The following OSBPL9 variants were observed in gnomAD, a reference collection of about 807,000 sequenced individuals.
OSBPL9 encodes oxysterol-binding protein-related protein 9.
Under a neutral mutation model 106.6 loss-of-function variants are expected in OSBPL9, and 40 were observed. The observed-to-expected ratio is 0.38, with a 90% CI of 0.29 to 0.49. OSBPL9 has a LOEUF of 0.49. Among genes scored for constraint, OSBPL9 ranks in the 20% least tolerant of loss-of-function variants. OSBPL9 has a pLI of 0.97. For synonymous variants in OSBPL9, 269 were observed against 295.4 expected (o/e 0.91, Z 0.92); for missense variants, 609 against 887.2 (o/e 0.69, Z 3.98).
rs1330484297 is a variant in OSBPL9 at position 51,730,091 on chromosome 1, T to A, written c.319-15445T>A. On this transcript the variant is annotated intron_variant, in intron 4 of 23. Transcript: ENST00000428468. The stretch of plus-strand genomic sequence containing the variant: ...CCGCCAGGCCGGAGCGCGAATGTCG[T>A]GCTCACCCTGCCTCCTTCCCGCCGC... 33 of 1,258,612 alleles carry A rather than the reference T, an allele frequency of 2.6e-5. No homozygotes were observed. In the Admixed American group the frequency reaches 6.0e-4, roughly 23 times the overall value. 78.0% of individuals were successfully genotyped at this position (1,258,612 alleles called of 1,614,324 possible).
At chr1:51,664,029 A>C (rs1647794308) in intron 2 of OSBPL9, among the ~76,000 whole-genome samples, 1 of 152,224 alleles carries the variant, frequency 6.6e-6, no homozygotes, top group South Asian at 2.1e-4. Context: ...CACTGATGGG[A>C]GTATAGCTGA....
intron 9 of OSBPL9, 188 bp downstream of exon 9, chr1:51,756,546 TA>T (rs1670377797): frequency 5.2e-6 from 3 of 576,070 alleles, no homozygotes; most frequent in Middle Eastern, 3.1e-4. Context: ...ATGACAATCT[TA>T]AAATTTTTCT....
the OSBPL9 span, among the ~76,000 whole-genome samples, chr1:51,570,862 G>A: frequency 2.0e-5 from 3 of 151,664 alleles, no homozygotes; most frequent in Admixed American, 6.6e-5. Flanking sequence ...TTGCTCTGTC[G>A]CCAGGCTGGA....
In OSBPL9 at chr1:51,653,148, A is replaced by G. The variant is rs1003441996; in HGVS notation, c.162+1107A>G. On this transcript the variant is annotated intron_variant, in intron 2 of 23. Coordinates refer to ENST00000428468, the MANE Select transcript of OSBPL9 (RefSeq NM_024586.6). ...GACAGGCTTGTTTCAATCAGATGGT[A>G]TATATGTGATAGCACAAAGATTTTT... is the stretch of plus-strand genomic sequence containing the variant. 5.3e-5 allele frequency among the ~76,000 whole-genome samples: 8 copies of G among 152,228 alleles called. 1 individual carries two copies. The highest frequency in any genetic ancestry group is 2.0e-4 in the Admixed American group (3 of 15,290).
At chr1:51,701,830 A>G (rs1453087544) in intron 3 of OSBPL9, among the ~76,000 whole-genome samples, 2 of 151,948 alleles carry the variant, frequency 1.3e-5, no homozygotes, top group Non-Finnish European at 2.9e-5. Flanking sequence ...CCAGTGTGTG[A>G]TGTTCCCCTT....
chr1:51,737,147 G>T (rs370159169), intron 4 of OSBPL9, among the ~76,000 whole-genome samples: 11 of 152,002 alleles, frequency 7.2e-5, no homozygotes, highest in African/African-American at 2.7e-4. Context: ...TTGCTAGTGC[G>T]TGCTTTACCT....
intron 3 of OSBPL9, among the ~76,000 whole-genome samples, chr1:51,708,866 CCAAA>C (rs1456922235): frequency 2.4e-4 from 37 of 152,184 alleles, no homozygotes; most frequent in East Asian, 1.9e-4. Context: ...TATCTTCTTC[CCAAA>C]CAATGTAAGA....
chr1:51,608,397 A>G (rs1191361338), intron 2 of OSBPL9, among the ~76,000 whole-genome samples: 1 of 152,002 alleles, frequency 6.6e-6, no homozygotes, highest in Non-Finnish European at 1.5e-5. Flanking sequence ...GGTTCAAGTG[A>G]TTCTCTTGCC....
At chr1:51,672,793 C>T (rs1650216837) in intron 3 of OSBPL9, among the ~76,000 whole-genome samples, 1 of 152,086 alleles carries the variant, frequency 6.6e-6, no homozygotes, top group Non-Finnish European at 1.5e-5. Flanking sequence ...TTGCCATTAA[C>T]TGAAGTGGAA....
chr1:51,742,293 GCTTACTTGTTC>G (rs1667099347), intron 4 of OSBPL9, among the ~76,000 whole-genome samples: 1 of 152,146 alleles, frequency 6.6e-6, no homozygotes, highest in South Asian at 2.1e-4. Context: ...TTGACTCCCA[GCTTACTTGTTC>G]TCAAAAGCTA....
rs1276942976 is a variant in OSBPL9, at chr1:51,649,510, C to G, written c.112-2481C>G. 2.0e-5 allele frequency among the ~76,000 whole-genome samples: 3 copies of G among 152,284 alleles called. No homozygotes were observed. In the East Asian group the frequency reaches 5.8e-4, roughly 29 times the overall value. ...GTAAAGTTTTCTACATCTGTGCCTTCGCTGATGTTGTTTCCTTGTCTTGGA... is the reference window on the plus strand; with the variant it reads ...GTAAAGTTTTCTACATCTGTGCCTTGGCTGATGTTGTTTCCTTGTCTTGGA... On this transcript the variant is annotated intron_variant, in intron 1 of 23. Transcript: ENST00000428468.
intron 16 of OSBPL9, among the ~76,000 whole-genome samples, chr1:51,782,256 C>A (rs1169437474): frequency 1.3e-5 from 2 of 152,164 alleles, no homozygotes; most frequent in African/African-American, 4.8e-5. Flanking sequence ...TGATGCACTA[C>A]GTATAGTCCA....
intron 3 of OSBPL9, chr1:51,707,632 A>G: frequency 5.2e-6 from 1 of 193,770 alleles, no homozygotes; most frequent in Non-Finnish European, 1.1e-5. Flanking sequence ...GAGTCCCTCC[A>G]CAATGCCAGA....
chr1:51,697,823 C>T (rs1029692498), intron 3 of OSBPL9, among the ~76,000 whole-genome samples: 2 of 149,918 alleles, frequency 1.3e-5, no homozygotes, highest in African/African-American at 4.9e-5. Context: ...CTGTTTTCCT[C>T]TGTGCACCTT....
At chr1:51,746,291 G>A (rs1667962769) in intron 5 of OSBPL9, among the ~76,000 whole-genome samples, 1 of 152,068 alleles carries the variant, frequency 6.6e-6, no homozygotes, top group Non-Finnish European at 1.5e-5. Flanking sequence ...ATGGAATATG[G>A]GGAGGTGATT....
chr1:51,616,539 T>C (rs530243732), upstream of OSBPL9, among the ~76,000 whole-genome samples: 1 of 152,372 alleles, frequency 6.6e-6, no homozygotes, highest in Non-Finnish European at 1.5e-5. Flanking sequence ...CACTCAGGCC[T>C]TCCCTGTTTG....
At chr1:51,526,776 C>T in the OSBPL9 span, among the ~76,000 whole-genome samples, 2 of 151,652 alleles carry the variant, frequency 1.3e-5, no homozygotes, top group African/African-American at 2.4e-5. Context: ...GATGGAGTCT[C>T]GCTCTGTCAC....
intron 4 of OSBPL9, among the ~76,000 whole-genome samples, chr1:51,719,210 A>C (rs1557735786): frequency 6.6e-6 from 1 of 152,238 alleles, no homozygotes; most frequent in Non-Finnish European, 1.5e-5. Flanking sequence ...AAGATAACTA[A>C]GATCTTCTTC....
chr1:51,727,551 T>C (rs1021096744), intron 4 of OSBPL9, among the ~76,000 whole-genome samples: 3 of 152,204 alleles, frequency 2.0e-5, no homozygotes, highest in Non-Finnish European at 4.4e-5. Flanking sequence ...GTTCATGGGA[T>C]TGACTGTAGA....
Sources: allele counts gnomAD v4.1 joint callset (sites outside exome capture counted in the v4.1 genomes callset), GRCh38; gene constraint gnomAD v4.1.1; transcripts MANE v1.5; gene names NCBI Gene and HGNC (gene_info 2026-07-23, HGNC 2026-07-21).